DENND1C: variants seen among roughly 807,000 people sequenced by gnomAD.
DENND1C encodes DENN domain containing 1C, also known as DENN domain-containing protein 1C.
DENND1C carries 64 observed loss-of-function variants against 87.9 expected under a neutral mutation model. The observed-to-expected ratio is 0.73, with a 90% CI of 0.60 to 0.90. The LOEUF is 0.90. DENND1C is among the 40% of genes least tolerant of loss of function. The probability of loss-of-function intolerance (pLI) is 0.00; values close to 1 mark genes in which losing one functional copy is unlikely to be tolerated. For synonymous variants in DENND1C, 384 were observed against 424.4 expected (o/e 0.90, Z 1.17); for missense variants, 980 against 1,037.0 (o/e 0.95, Z 0.76).
In DENND1C at chr19:6,476,876, G is replaced by T. The variant is rs775996897; in HGVS notation, c.659C>A (p.Thr220Asn). ...CCTCACGGTGCTGAGTTTGCTGGCG[G>T]TGAGCAGGACTCTTCTCTCGGCCAG... ...ALLAERRVLLTASKLSTLTSC... is the reference protein window; with the variant it reads ...ALLAERRVLLNASKLSTLTSC... Residue 220 changes from threonine to asparagine, a missense_variant, in exon 10 of 23, where the codon ACC (threonine) becomes AAC (asparagine). Thr to Asn is a moderately conservative substitution (Grantham distance 65). Coordinates refer to ENST00000381480, the MANE Select transcript of DENND1C (RefSeq NM_024898.4). The T allele has an allele frequency of 6.2e-7, 1 of 1,612,496 alleles. No individual in the cohort carries two copies. The highest frequency in any genetic ancestry group is 8.5e-7 in the Non-Finnish European group (1 of 1,179,684).
intron 20 of DENND1C, 97 bp downstream of exon 20, chr19:6,468,749 G>A: frequency 7.3e-7 from 1 of 1,373,060 alleles, no homozygotes; most frequent in East Asian, 2.5e-5. Flanking sequence ...TATTTGGGGA[G>A]TTGAAGAAGG....
At chr19:6,480,498 GTC>G in intron 1 of DENND1C, 1 of 983,078 alleles carries the variant, frequency 1.0e-6, no homozygotes, top group Admixed American at 6.2e-5. Flanking sequence ...CTGTCTGTCT[GTC>G]TCTGTCTATC....
At chr19:6,473,354 C>T (rs2092839758) in intron 14 of DENND1C, among the ~76,000 whole-genome samples, 1 of 151,626 alleles carries the variant, frequency 6.6e-6, no homozygotes, top group Admixed American at 6.6e-5. Flanking sequence ...TGGGTTTCAC[C>T]ATGTTGGCCA....
chr19:6,467,520 T>C lies in DENND1C; in HGVS notation c.2390A>G (p.Lys797Arg). ...SSRPRVADLK[K>R]CFEG The stretch of plus-strand genomic sequence containing the variant: ...CCCTGATTCTTAACCCTCAAAGCAC[T>C]TCTTAAGATCAGCGACTCTGGGCCG... The change falls in exon 23 of 23, where the codon AAG becomes AGG. Residue 797 changes from lysine (K) to arginine (R), a missense_variant. Lys to Arg is a conservative substitution (Grantham distance 26). Transcript: ENST00000381480. The C allele has an allele frequency of 6.2e-7, 1 of 1,604,840 alleles. No individual in the cohort carries two copies. The highest frequency in any genetic ancestry group is 8.5e-7 in the Non-Finnish European group (1 of 1,176,312).
chr19:6,479,931 A>C, intron 2 of DENND1C, 29 bp from the exon 3 acceptor site: 1 of 1,595,684 alleles, frequency 6.3e-7, no homozygotes. Flanking sequence ...CTCTAAGTTC[A>C]GCGACCCAGG....
intron 19 of DENND1C, 180 bp downstream of exon 19, chr19:6,469,416 C>T (rs1568393587): frequency 3.1e-6 from 2 of 639,416 alleles, no homozygotes; most frequent in East Asian, 5.8e-5. Flanking sequence ...CAACCTCCGC[C>T]TTCTAGACTC....
chr19:6,475,448 C>T, intron 13 of DENND1C, 36 bp downstream of exon 13: 1 of 1,613,570 alleles, frequency 6.2e-7, no homozygotes, highest in Non-Finnish European at 8.5e-7. Context: ...GGCCCCTCGC[C>T]TCCCGGGGCA....
chr19:6,477,628 T>TAATAAG, intron 6 of DENND1C, 170 bp from the exon 7 acceptor site: 1 of 224,540 alleles, frequency 4.5e-6, no homozygotes, highest in Non-Finnish European at 8.4e-6. Context: ...ATAATAATAA[T>TAATAAG]AATAGAGACA....
rs550526556 is a variant in DENND1C, at chr19:6,467,436, A to G, written c.*68T>C. 15 of 1,446,864 alleles carry G rather than the reference A, an allele frequency of 1.0e-5. No homozygotes were observed. In the African/African-American group the frequency reaches 1.9e-4, roughly 18 times the overall value. 89.6% of individuals were successfully genotyped at this position (1,446,864 alleles called of 1,614,324 possible). A position where few individuals can be genotyped will look rare whatever the true frequency, so the allele number is the denominator to read the frequency against. ...GGGCACCAGAGAAATTCACCAGGAA[A>G]AAAACCAGCTTTTTTGGGCTCTTGT... On this transcript the variant is annotated 3_prime_UTR_variant, in exon 23 of 23. Coordinates refer to ENST00000381480, the MANE Select transcript of DENND1C (RefSeq NM_024898.4).
chr19:6,476,799 GC>G, intron 10 of DENND1C, 57 bp downstream of exon 10: 7 of 1,530,220 alleles, frequency 4.6e-6, no homozygotes, highest in Non-Finnish European at 3.5e-6. Context: ...CCCTTGTCCC[GC>G]CCCCCGGGGC....
rs766394009 is a variant in DENND1C, at chr19:6,468,886, C to A, written c.1475G>T (p.Arg492Leu). 2 of 1,505,594 alleles carry A rather than the reference C, an allele frequency of 1.3e-6. No individual in the cohort carries two copies. The highest frequency in any genetic ancestry group is 1.8e-6 in the Non-Finnish European group (2 of 1,132,564). The allele number at this position is 1,505,594 out of a possible 1,614,324, so 93.3% of individuals were successfully genotyped here. ...RAPALPSRSD[R>L]LQQRLPITQH... ...AGTGATTGGGAGGCGTTGCTGCAGG[C>A]GGTCTGAGCGGCTGGGGAGGGCTGG... Residue 492 changes from arginine (R) to leucine (L), a missense_variant, in exon 20 of 23, where the codon CGC (arginine) becomes CTC (leucine). Transcript: ENST00000381480.
rs771459900 is a variant in DENND1C, at chr19:6,479,692, G to A, written c.153C>T (p.Phe51=). ...ACCTTTCCACATCAAAAGGGAAGCA[G>A]AATTTAGGCACCATCTGCATAGCTT... ...DQEAMQMVPK[F]CFPFDVEREP... Residue 51 remains phenylalanine, a synonymous_variant, in exon 4 of 23, where the codon TTC becomes TTT. Transcript: ENST00000381480. 2.5e-6 allele frequency: 4 copies of A among 1,613,812 alleles called. No homozygotes were observed. Among genetic ancestry groups the A allele is most frequent in the Non-Finnish European group, 3.4e-6 (4 of 1,179,872 alleles).
chr19:6,473,820 G>A (rs2092843974), intron 14 of DENND1C, among the ~76,000 whole-genome samples: 2 of 139,292 alleles, frequency 1.4e-5, no homozygotes, highest in Non-Finnish European at 3.1e-5. Flanking sequence ...GGTGGGGGGA[G>A]GGAAATGATC....
intron 10 of DENND1C, 83 bp from the exon 11 acceptor site, chr19:6,476,020 A>G (rs967024039): frequency 1.6e-6 from 2 of 1,250,748 alleles, no homozygotes; most frequent in African/African-American, 3.1e-5. Context: ...CCACGTCCCC[A>G]GTCTCCTGTT....
At chr19:6,472,766 C>G in intron 15 of DENND1C, 123 bp downstream of exon 15, 1 of 700,388 alleles carries the variant, frequency 1.4e-6, no homozygotes, top group Non-Finnish European at 2.1e-6. Flanking sequence ...TCCTGCTGGA[C>G]TGTCTCCAGC....
intron 6 of DENND1C, among the ~76,000 whole-genome samples, chr19:6,478,155 GC>G (rs1243170425): frequency 3.3e-5 from 5 of 152,138 alleles, no homozygotes; most frequent in Admixed American, 3.3e-4. Context: ...GCTCACTATA[GC>G]TTCGAACTCC....
Position 6,475,690 on chromosome 19 carries a change from G to A in DENND1C, c.825+16C>T. 2 of 1,602,444 alleles carry A rather than the reference G, an allele frequency of 1.2e-6. No individual in the cohort carries two copies. Among genetic ancestry groups the A allele is most frequent in the South Asian group, 1.1e-5 (1 of 89,892 alleles). ...GAACCCTCACGTCCCCGTCGTCTGG[G>A]TAGATCCACGCTCACCTCGGCGAGA... is the stretch of plus-strand genomic sequence containing the variant. On this transcript the variant is annotated intron_variant, in intron 12 of 22. Transcript: ENST00000381480.
At chr19:6,473,759 T>C (rs2092843155) in intron 14 of DENND1C, among the ~76,000 whole-genome samples, 1 of 128,836 alleles carries the variant, frequency 7.8e-6, no homozygotes, top group Non-Finnish European at 1.6e-5. Flanking sequence ...CCGGCTGATT[T>C]AAGCATTTAT....
intron 15 of DENND1C, among the ~76,000 whole-genome samples, chr19:6,472,631 C>T (rs1468302660): frequency 2.6e-5 from 4 of 152,168 alleles, no homozygotes; most frequent in African/African-American, 4.8e-5. Context: ...ACTCGTGATC[C>T]GCCTGCCTCG....
Sources: gnomAD v4.1 joint callset for allele counts (sites outside exome capture counted in the v4.1 genomes callset) on GRCh38, gnomAD v4.1.1 for gene constraint, MANE v1.5 for transcripts, NCBI Gene and HGNC (gene_info 2026-07-23, HGNC 2026-07-21) for gene names.